Variants in DCAF6 observed in about 807,000 individuals in gnomAD.
The protein encoded by DCAF6 is DDB1 and CUL4 associated factor 6.
In DCAF6, 54 loss-of-function variants were observed where a neutral mutation model predicts 125.1. That is an observed-to-expected ratio of 0.43 (90% CI 0.35 to 0.54). The LOEUF (loss-of-function observed/expected upper bound fraction) is 0.54. Among genes scored for constraint, DCAF6 ranks in the 20% least tolerant of loss-of-function variants. DCAF6 has a pLI of 0.01. For synonymous variants in DCAF6, 371 were observed against 390.4 expected, an observed-to-expected ratio of 0.95 and a Z score of 0.58; for missense variants, 934 against 1,161.7, an observed-to-expected ratio of 0.80 and a Z score of 2.85.
intron 3 of DCAF6, among the ~76,000 whole-genome samples, chr1:167,970,675 A>T (rs750731550): frequency 1.1e-4 from 16 of 152,216 alleles, no homozygotes; most frequent in Non-Finnish European, 1.8e-4. Context: ...TTAAAATTTT[A>T]AAACACCAAT....
chr1:167,928,221 G>A, the DCAF6 span, among the ~76,000 whole-genome samples: 12 of 151,778 alleles, frequency 7.9e-5, no homozygotes, highest in African/African-American at 2.2e-4. Context: ...GGTGGCAGGC[G>A]GCTGTAGTCC....
chr1:167,864,302 T>G, the DCAF6 span, among the ~76,000 whole-genome samples: 1 of 152,062 alleles, frequency 6.6e-6, no homozygotes, highest in African/African-American at 2.4e-5. Context: ...GTTGAAAAAT[T>G]TCAAGAAAGG....
In DCAF6 at chr1:168,015,778, C is replaced by CA; in HGVS notation, c.1379-2dup. 6.8e-7 allele frequency: 1 copy of CA among 1,465,504 alleles called. No individual in the cohort carries two copies. 90.8% of individuals were successfully genotyped at this position (1,465,504 alleles called of 1,614,324 possible). A position where few individuals can be genotyped will look rare whatever the true frequency, so the allele number is the denominator to read the frequency against. On this transcript the variant is annotated splice_polypyrimidine_tract_variant and splice_region_variant and intron_variant, in intron 10 of 21. Transcript: ENST00000367840. Reference sequence around the variant, plus strand: ...TTCACCTTTCTTTTCCTATTTGTGTCAGAATTTTTAAGGGGCCCTGAGATA... The same window carrying CA: ...TTCACCTTTCTTTTCCTATTTGTGTCAAGAATTTTTAAGGGGCCCTGAGATA...
At position 168,044,901 on chromosome 1, in the gene DCAF6, A is replaced by C. The variant is rs200388847; in HGVS notation, c.1932A>C (p.Thr644=). 1 of 1,612,510 alleles carries C rather than the reference A, an allele frequency of 6.2e-7. No individual in the cohort carries two copies. The highest frequency in any genetic ancestry group is 2.2e-5 in the East Asian group (1 of 44,872). ...ACATACAACTTTATTTTCTGACAGCACAATCAGATAAGTTCACAGCCAAGC... is the reference window on the plus strand; with the variant it reads ...ACATACAACTTTATTTTCTGACAGCCCAATCAGATAAGTTCACAGCCAAGC... ...ENPVENHINI[T]QSDKFTAKPL... Residue 644 remains threonine, a splice_region_variant and synonymous_variant, in exon 16 of 22, where the codon ACA becomes ACC. Transcript: ENST00000367840.
At chr1:168,037,406 A>G (rs1026486096) in intron 12 of DCAF6, among the ~76,000 whole-genome samples, 1 of 152,220 alleles carries the variant, frequency 6.6e-6, no homozygotes, top group Non-Finnish European at 1.5e-5. Context: ...GATATCTCAC[A>G]GAAGAGTTTT....
chr1:167,890,747 A>T, the DCAF6 span, among the ~76,000 whole-genome samples: 3 of 152,154 alleles, frequency 2.0e-5, no homozygotes, highest in Non-Finnish European at 2.9e-5. Flanking sequence ...TATGTAATTC[A>T]AACTTCCATT....
upstream of DCAF6, among the ~76,000 whole-genome samples, chr1:167,932,301 T>C (rs1474301520): frequency 6.6e-6 from 1 of 152,146 alleles, no homozygotes; most frequent in Non-Finnish European, 1.5e-5. Context: ...ACTGCAATAA[T>C]ATATTTTTGT....
intron 18 of DCAF6, 121 bp from the exon 19 acceptor site, chr1:168,065,466 ATTT>A (rs940371689): frequency 9.8e-6 from 8 of 819,442 alleles, no homozygotes; most frequent in Middle Eastern, 3.4e-4. Context: ...TAATTTTACT[ATTT>A]TCTAAGCCAG....
chr1:167,865,738 C>G, the DCAF6 span, among the ~76,000 whole-genome samples: 3 of 152,176 alleles, frequency 2.0e-5, no homozygotes, highest in Non-Finnish European at 4.4e-5. Context: ...ATGCAAATGC[C>G]TGGTTGAAAT....
chr1:167,899,299 A>G, the DCAF6 span: 32 of 954,588 alleles, frequency 3.4e-5, no homozygotes, highest in South Asian at 4.4e-4. Flanking sequence ...CCTAACCCAG[A>G]CTGACCCCAT....
chr1:167,934,415 T>C (rs777781157), upstream of DCAF6, among the ~76,000 whole-genome samples: 3 of 152,152 alleles, frequency 2.0e-5, no homozygotes, highest in Non-Finnish European at 2.9e-5. Flanking sequence ...CCGAAAATCT[T>C]TGCCACAAAA....
At position 167,989,886 on chromosome 1, in the gene DCAF6, G is replaced by A. The variant is rs1042497071; in HGVS notation, c.553-1318G>A. On this transcript the variant is annotated intron_variant, in intron 5 of 21. Transcript: ENST00000367840. Reference sequence around the variant, plus strand: ...AAAAAAAAAAAAAAATTACTGAGAAGAATGAGGAGTGAGAGTCATTAGACA... The same window carrying A: ...AAAAAAAAAAAAAAATTACTGAGAAAAATGAGGAGTGAGAGTCATTAGACA... 2.6e-5 allele frequency among the ~76,000 whole-genome samples: 4 copies of A among 151,786 alleles called. No homozygotes were observed. The South Asian group carries it at 6.2e-4, about 24-fold the overall frequency.
chr1:168,064,570 G>C (rs1243485596), intron 18 of DCAF6, among the ~76,000 whole-genome samples: 1 of 152,080 alleles, frequency 6.6e-6, no homozygotes, highest in African/African-American at 2.4e-5. Context: ...AAATGTCATT[G>C]CTAGTAACAA....
chr1:168,016,625 A>G (rs1240010799), intron 11 of DCAF6, among the ~76,000 whole-genome samples: 1 of 152,132 alleles, frequency 6.6e-6, no homozygotes, highest in African/African-American at 2.4e-5. Context: ...CTGTCATCTT[A>G]TGACCAGAAA....
chr1:168,023,954 C>T (rs1571985569), intron 12 of DCAF6: 1 of 152,130 alleles, frequency 6.6e-6, no homozygotes, highest in Non-Finnish European at 1.5e-5. Context: ...GTGGCACACG[C>T]CTGTAATCCC....
the DCAF6 span, among the ~76,000 whole-genome samples, chr1:167,868,047 A>C: frequency 0.095 from 14,431 of 152,192 alleles, 1,718 homozygotes; most frequent in East Asian, 0.27. Flanking sequence ...AAAGGACTAG[A>C]TCCTAGAGTA....
At chr1:167,890,726 G>C in the DCAF6 span, among the ~76,000 whole-genome samples, 3 of 152,138 alleles carry the variant, frequency 2.0e-5, no homozygotes, top group Non-Finnish European at 4.4e-5. Flanking sequence ...TTAGGGATAA[G>C]AATAGCATGC....
intron 10 of DCAF6, among the ~76,000 whole-genome samples, chr1:168,008,244 C>T (rs1326438048): frequency 6.6e-6 from 1 of 152,140 alleles, no homozygotes; most frequent in East Asian, 1.9e-4. Context: ...GCTGGGATTA[C>T]AGGCATGAGC....
chr1:167,877,044 T>C, the DCAF6 span, among the ~76,000 whole-genome samples: 1 of 152,016 alleles, frequency 6.6e-6, no homozygotes, highest in Non-Finnish European at 1.5e-5. Context: ...CCAAGATCAA[T>C]TGAACCCCAC....
Sources: allele counts gnomAD v4.1 joint callset (sites outside exome capture counted in the v4.1 genomes callset), GRCh38; gene constraint gnomAD v4.1.1; transcripts MANE v1.5; gene names NCBI Gene and HGNC (gene_info 2026-07-23, HGNC 2026-07-21).